Variants in TRIM43 observed in about 807,000 individuals in gnomAD.
TRIM43 encodes tripartite motif-containing protein 43.
TRIM43 carries 12 observed loss-of-function variants against 27.7 expected under a neutral mutation model. That is an observed-to-expected ratio of 0.43 (90% confidence interval 0.28 to 0.70). TRIM43 has a LOEUF of 0.70. TRIM43 is among the 30% of genes least tolerant of loss of function. The probability of loss-of-function intolerance (pLI) is 0.17; values close to 1 mark genes in which losing one functional copy is unlikely to be tolerated. For synonymous variants in TRIM43, 64 were observed against 121.9 expected (o/e 0.52, Z 3.13); for missense variants, 186 against 356.5 (o/e 0.52, Z 3.85).
At chr2:95,595,909 T>C (rs1337600826) in intron 3 of TRIM43, among the ~76,000 whole-genome samples, 5 of 151,600 alleles carry the variant, frequency 3.3e-5, no homozygotes, top group Non-Finnish European at 7.4e-5. Context: ...AACAACAACC[T>C]AAGTGAATAA....
At chr2:95,593,310 CTT>C (rs924671596) in intron 1 of TRIM43, among the ~76,000 whole-genome samples, 1 of 151,886 alleles carries the variant, frequency 6.6e-6, no homozygotes, top group Non-Finnish European at 1.5e-5. Context: ...AATTAATTGT[CTT>C]TTAAGGATGT....
chr2:95,594,294 C>G lies in TRIM43; in HGVS notation c.271C>G (p.Gln91Glu). 6.2e-7 allele frequency: 1 copy of G among 1,609,686 alleles called. No individual in the cohort carries two copies. Among genetic ancestry groups the G allele is most frequent in the Non-Finnish European group, 8.5e-7 (1 of 1,178,722 alleles). The change falls in exon 2 of 7, where the codon CAA (glutamine) becomes GAA (glutamate). Residue 91 changes from glutamine to glutamate, a missense_variant. By Grantham distance (29) the Gln-to-Glu change is conservative. Transcript: ENST00000272395. ...CTGGCAATTCCTGAGCTCTGAGAAA[C>G]AAATATGTGGGACCCATAGGCAAAC... ...SLWQFLSSEK[Q>E]ICGTHRQTKK...
At chr2:95,593,719 C>T (rs1685299090) in intron 1 of TRIM43, among the ~76,000 whole-genome samples, 1 of 151,742 alleles carries the variant, frequency 6.6e-6, no homozygotes, top group Non-Finnish European at 1.5e-5. Flanking sequence ...GTTGATGAAA[C>T]CCTTGAAGCC....
intron 3 of TRIM43, 24 bp from the exon 4 acceptor site, chr2:95,596,178 C>G (rs779345637): frequency 6.2e-7 from 1 of 1,606,916 alleles, no homozygotes; most frequent in South Asian, 1.1e-5. Context: ...GGGTATATAA[C>G]CTACAAAATT....
intron 3 of TRIM43, among the ~76,000 whole-genome samples, chr2:95,595,785 G>T (rs188106974): frequency 2.0e-5 from 3 of 151,362 alleles, no homozygotes; most frequent in Non-Finnish European, 4.4e-5. Context: ...AGAGATGGGG[G>T]TTAAATTTTT....
At chr2:95,594,524 A>G in intron 2 of TRIM43, 90 bp downstream of exon 2, 1 of 1,529,090 alleles carries the variant, frequency 6.5e-7, no homozygotes, top group Non-Finnish European at 8.8e-7. Flanking sequence ...TGATTACTCC[A>G]TTCTTTACTG....
At chr2:95,594,908 T>G in intron 2 of TRIM43, 142 bp from the exon 3 acceptor site, 2 of 695,604 alleles carry the variant, frequency 2.9e-6, no homozygotes, top group East Asian at 2.8e-5. Flanking sequence ...AAATATCAAT[T>G]AAGGATGAGC....
At chr2:95,593,824 AAC>A (rs1342452905) in intron 1 of TRIM43, among the ~76,000 whole-genome samples, 194 bp from the exon 2 acceptor site, 1 of 151,882 alleles carries the variant, frequency 6.6e-6, no homozygotes, top group Non-Finnish European at 1.5e-5. Flanking sequence ...TTGATTGGAG[AAC>A]AGTCACTTTT....
At chr2:95,596,094 T>C in intron 3 of TRIM43, 108 bp from the exon 4 acceptor site, 1 of 1,318,030 alleles carries the variant, frequency 7.6e-7, no homozygotes, top group East Asian at 2.5e-5. Context: ...CATCATCCTG[T>C]TTGTAAAGGA....
Position 95,593,904 on chromosome 2 carries a change from G to A in TRIM43, c.-4-116G>A, listed in dbSNP as rs71427044. The A allele has an allele frequency of 1.2e-5, 18 of 1,529,216 alleles. 1 individual carries two copies. In the East Asian group the frequency reaches 1.8e-4, roughly 15 times the overall value. 94.7% of individuals were successfully genotyped at this position (1,529,216 alleles called of 1,614,324 possible). ...CCTATTTCTGTCATTGCAGATTAAA[G>A]CCTATACTTCTTTAGAAAGAAAGGA... On this transcript the variant is annotated intron_variant, in intron 1 of 6. Coordinates refer to ENST00000272395, the MANE Select transcript of TRIM43 (RefSeq NM_138800.3).
intron 1 of TRIM43, 94 bp downstream of exon 1, chr2:95,592,243 T>C (rs1685260456): frequency 6.6e-6 from 1 of 152,010 alleles, no homozygotes; most frequent in South Asian, 2.1e-4. Context: ...ACTTAGATTA[T>C]TTTTAGATGA....
Position 95,594,267 on chromosome 2 carries a change from C to G in TRIM43, c.244C>G (p.Leu82Val). The change falls in exon 2 of 7, where the codon CTC becomes GTC. Residue 82 changes from leucine to valine, a missense_variant. By Grantham distance (32) the Leu-to-Val change is conservative. Coordinates refer to ENST00000272395, the MANE Select transcript of TRIM43 (RefSeq NM_138800.3). ...NLVTIARKAS[L>V]WQFLSSEKQI... ...AGTGACCATTGCCAGAAAAGCCAGTCTCTGGCAATTCCTGAGCTCTGAGAA... is the reference window on the plus strand; with the variant it reads ...AGTGACCATTGCCAGAAAAGCCAGTGTCTGGCAATTCCTGAGCTCTGAGAA... 6.2e-7 allele frequency: 1 copy of G among 1,608,216 alleles called. No individual in the cohort carries two copies. The highest frequency in any genetic ancestry group is 1.1e-5 in the South Asian group (1 of 90,836).
intron 1 of TRIM43, among the ~76,000 whole-genome samples, chr2:95,592,829 A>C (rs1010970653): frequency 6.7e-6 from 1 of 149,648 alleles, no homozygotes; most frequent in Non-Finnish European, 1.5e-5. Flanking sequence ...CTTGGTTTTT[A>C]TTTTTATTTG....
At position 95,595,226 on chromosome 2, in the gene TRIM43, A is replaced by T. The variant is rs1272016595; in HGVS notation, c.507+81A>T. 19 of 1,008,988 alleles carry T rather than the reference A, an allele frequency of 1.9e-5. No homozygotes were observed. The East Asian group carries it at 4.9e-4, about 26-fold the overall frequency. The allele number at this position is 1,008,988 out of a possible 1,614,324, so 62.5% of individuals were successfully genotyped here. A position where few individuals can be genotyped will look rare whatever the true frequency, so the allele number is the denominator to read the frequency against. ...ATTTATATTAGCAACTTGAGTTGAA[A>T]TTCTTATGCCAGATTTTGTCATGTG... On this transcript the variant is annotated intron_variant, in intron 3 of 6. Coordinates refer to ENST00000272395, the MANE Select transcript of TRIM43 (RefSeq NM_138800.3).
chr2:95,593,501 T>A (rs1309012854), intron 1 of TRIM43, among the ~76,000 whole-genome samples: 1 of 151,866 alleles, frequency 6.6e-6, no homozygotes, highest in Non-Finnish European at 1.5e-5. Context: ...AAAGGCTAGC[T>A]TTTTCTGATT....
At chr2:95,596,687 G>C (rs1685359622) in intron 4 of TRIM43, among the ~76,000 whole-genome samples, 1 of 107,742 alleles carries the variant, frequency 9.3e-6, no homozygotes, top group Non-Finnish European at 1.9e-5. Flanking sequence ...TAAAACTCTG[G>C]AAGAAAAAAT....
intron 1 of TRIM43, among the ~76,000 whole-genome samples, chr2:95,593,073 T>G (rs1685285703): frequency 6.6e-6 from 1 of 151,568 alleles, no homozygotes; most frequent in Non-Finnish European, 1.5e-5. Context: ...ATTTTTTGTA[T>G]TTTTTAGTAG....
At position 95,595,606 on chromosome 2, in the gene TRIM43, TGAG is replaced by T. The variant is rs1412820022; in HGVS notation, c.507+465_507+467del. Among the ~76,000 whole-genome samples, 3 of 150,166 alleles carry T rather than the reference TGAG, an allele frequency of 2.0e-5. No individual in the cohort carries two copies. In the East Asian group the frequency reaches 5.9e-4, roughly 30 times the overall value. On this transcript the variant is annotated intron_variant, in intron 3 of 6. Transcript: ENST00000272395. Reference sequence around the variant, plus strand: ...GAGAAAATGCAACATGAGGAAAAGCTGAGGAGAAGGGATAAAAAATGACTGGGG... The same window carrying T: ...GAGAAAATGCAACATGAGGAAAAGCTGAGAAGGGATAAAAAATGACTGGGG...
At chr2:95,594,464 G>A (rs758751056) in intron 2 of TRIM43, 30 bp downstream of exon 2, 3 of 1,599,880 alleles carry the variant, frequency 1.9e-6, no homozygotes, top group Non-Finnish European at 2.6e-6. Context: ...TCACCTGAAA[G>A]CTGGAGGGTG....
Sources: gnomAD v4.1 joint callset for allele counts (sites outside exome capture counted in the v4.1 genomes callset) on GRCh38, gnomAD v4.1.1 for gene constraint, MANE v1.5 for transcripts, NCBI Gene and HGNC (gene_info 2026-07-23, HGNC 2026-07-21) for gene names.